CAST: variants seen among roughly 807,000 people sequenced by gnomAD.
CAST encodes MIR583 host.
CAST carries 76 observed loss-of-function variants against 119.6 expected under a neutral mutation model. The observed-to-expected ratio is 0.64, with a 90% confidence interval of 0.53 to 0.77. The LOEUF is 0.77. CAST is among the 30% of genes least tolerant of loss of function. The probability of loss-of-function intolerance (pLI) is 0.00; values close to 1 mark genes in which losing one functional copy is unlikely to be tolerated. For missense variants in CAST, 953 were observed against 946.5 expected, an observed-to-expected ratio of 1.01 and a Z score of -0.09; for synonymous variants, 319 against 331.6, an observed-to-expected ratio of 0.96 and a Z score of 0.41.
the CAST span, among the ~76,000 whole-genome samples, chr5:96,156,112 C>T: frequency 6.6e-6 from 1 of 152,256 alleles, no homozygotes; most frequent in African/African-American, 2.4e-5. Flanking sequence ...CCAGCCTTCA[C>T]AGTCATTACT....
intron 1 of CAST, among the ~76,000 whole-genome samples, chr5:96,552,807 T>TA (rs765403050): frequency 3.3e-5 from 5 of 152,070 alleles, no homozygotes; most frequent in African/African-American, 4.8e-5. Flanking sequence ...CTAGAAAATC[T>TA]AAAAGAAATT....
intron 1 of CAST, among the ~76,000 whole-genome samples, chr5:96,549,815 T>C (rs1332945382): frequency 6.6e-6 from 1 of 152,228 alleles, no homozygotes; most frequent in Admixed American, 6.5e-5. Context: ...GAAATCGACC[T>C]GGGACGTGGG....
the CAST span, among the ~76,000 whole-genome samples, chr5:96,087,470 T>C: frequency 6.6e-6 from 1 of 152,188 alleles, no homozygotes; most frequent in Non-Finnish European, 1.5e-5. Flanking sequence ...CTTTTCCCTA[T>C]ACCAGAAGTG....
intron 1 of CAST, among the ~76,000 whole-genome samples, chr5:96,654,146 C>A (rs529656553): frequency 6.6e-6 from 1 of 151,880 alleles, no homozygotes; most frequent in Non-Finnish European, 1.5e-5. Flanking sequence ...GCCTCAGCCT[C>A]CCAAGTAGCT....
At chr5:96,514,690 C>T in the CAST span, among the ~76,000 whole-genome samples, 2 of 152,022 alleles carry the variant, frequency 1.3e-5, no homozygotes, top group Non-Finnish European at 2.9e-5. Context: ...GTCTGAGATG[C>T]CCCCCAGCCA....
the CAST span, chr5:96,213,196 G>A: frequency 6.6e-6 from 1 of 151,968 alleles, no homozygotes; most frequent in Admixed American, 6.6e-5. Context: ...CTGCTCATAA[G>A]TCTATTTTAT....
At chr5:96,607,860 T>C (rs1220644618) in intron 1 of CAST, among the ~76,000 whole-genome samples, 1 of 152,212 alleles carries the variant, frequency 6.6e-6, no homozygotes, top group Non-Finnish European at 1.5e-5. Flanking sequence ...TGATTGAACA[T>C]ATGGGGTACA....
At chr5:96,009,255 A>G in the CAST span, among the ~76,000 whole-genome samples, 1 of 152,220 alleles carries the variant, frequency 6.6e-6, no homozygotes, top group African/African-American at 2.4e-5. Context: ...TATTGTGAAT[A>G]GCATGGCAAT....
intron 1 of CAST, among the ~76,000 whole-genome samples, chr5:96,630,041 G>A (rs1747796207): frequency 1.3e-5 from 2 of 152,212 alleles, no homozygotes; most frequent in Admixed American, 1.3e-4. Context: ...TGAGATATCT[G>A]TCACAGCTTC....
At chr5:96,044,820 A>G in the CAST span, among the ~76,000 whole-genome samples, 2 of 152,196 alleles carry the variant, frequency 1.3e-5, no homozygotes, top group African/African-American at 4.8e-5. Context: ...ATGAGAATGA[A>G]TGAATGACTG....
At chr5:96,484,684 A>T in the CAST span, among the ~76,000 whole-genome samples, 1 of 152,164 alleles carries the variant, frequency 6.6e-6, no homozygotes, top group Admixed American at 6.5e-5. Flanking sequence ...TCACTAGAGA[A>T]TATCTTGAGC....
intron 1 of CAST, among the ~76,000 whole-genome samples, chr5:96,580,336 T>C (rs1351862717): frequency 6.6e-6 from 1 of 152,222 alleles, no homozygotes; most frequent in Non-Finnish European, 1.5e-5. Context: ...GACAAAATAT[T>C]GCATTTAGGG....
the CAST span, among the ~76,000 whole-genome samples, chr5:95,974,866 A>T: frequency 6.6e-6 from 1 of 152,246 alleles, no homozygotes; most frequent in Non-Finnish European, 1.5e-5. Context: ...TTGATAAGGG[A>T]AAGTTGTACT....
At chr5:96,393,406 G>A in the CAST span, 2 of 1,612,576 alleles carry the variant, frequency 1.2e-6, no homozygotes. Context: ...ATCCACAAAG[G>A]GAAGAAGGTT....
chr5:96,370,034 A>T, the CAST span, among the ~76,000 whole-genome samples: 1 of 152,218 alleles, frequency 6.6e-6, no homozygotes, highest in South Asian at 2.1e-4. Context: ...TCAAAATGGA[A>T]ATCTCTTACA....
chr5:96,531,132 G>T (rs1424480650), intron 1 of CAST, among the ~76,000 whole-genome samples: 1 of 152,096 alleles, frequency 6.6e-6, no homozygotes, highest in Non-Finnish European at 1.5e-5. Context: ...CAACAACAAA[G>T]ACATCAGGAG....
chr5:96,081,083 A>G, the CAST span, among the ~76,000 whole-genome samples: 1 of 152,216 alleles, frequency 6.6e-6, no homozygotes, highest in Admixed American at 6.5e-5. Flanking sequence ...TGACTGGGAT[A>G]AATCACCCCC....
rs184720088 is a variant in CAST, at chr5:96,542,969, G to A, written c.60+13089G>A. ...ATTAGTTCAACCATTGTGGAAGACA[G>A]TATGGTGATTCCTCAAGGATCTAGA... On this transcript the variant is annotated intron_variant, in intron 1 of 11. Transcript: ENST00000505143. Among the ~76,000 whole-genome samples, 1,265 of 152,338 alleles carry A rather than the reference G, an allele frequency of 8.3e-3. 8 individuals carry two copies. Among genetic ancestry groups the A allele is most frequent in the Non-Finnish European group, 0.014 (957 of 68,038 alleles).
chr5:96,339,458 A>G, the CAST span, among the ~76,000 whole-genome samples: 1 of 152,226 alleles, frequency 6.6e-6, no homozygotes, highest in Admixed American at 6.5e-5. Context: ...TGGTCATAAC[A>G]TTGCACATGA....
Sources: allele counts gnomAD v4.1 joint callset (sites outside exome capture counted in the v4.1 genomes callset), GRCh38; gene constraint gnomAD v4.1.1; transcripts MANE v1.5; gene names NCBI Gene and HGNC (gene_info 2026-07-23, HGNC 2026-07-21).